Variants in FAM3C observed in about 807,000 individuals in gnomAD.
FAM3C encodes protein FAM3C.
Under a neutral mutation model 32.5 loss-of-function variants are expected in FAM3C, and 15 were observed. The observed-to-expected ratio is 0.46, with a 90% CI of 0.31 to 0.71. FAM3C has a LOEUF of 0.71. FAM3C is among the 30% of genes least tolerant of loss of function. FAM3C has a pLI of 0.05. For missense variants in FAM3C, 175 were observed against 274.4 expected (o/e 0.64, Z 2.56); for synonymous variants, 75 against 86.1 (o/e 0.87, Z 0.72).
chr7:121,366,056 G>A (rs900672245), intron 5 of FAM3C, among the ~76,000 whole-genome samples: 9 of 152,246 alleles, frequency 5.9e-5, no homozygotes, highest in East Asian at 1.9e-4. Flanking sequence ...ACAAGTGTTG[G>A]CAAGGATGTG....
At chr7:121,386,184 G>A (rs980492854) in intron 1 of FAM3C, among the ~76,000 whole-genome samples, 4 of 152,046 alleles carry the variant, frequency 2.6e-5, no homozygotes, top group Admixed American at 1.3e-4. Context: ...AAAATTAAAC[G>A]TACAAATACA....
At chr7:121,375,722 C>T (rs1329614813) in intron 3 of FAM3C, among the ~76,000 whole-genome samples, 1 of 152,128 alleles carries the variant, frequency 6.6e-6, no homozygotes, top group African/African-American at 2.4e-5. Context: ...TGTAGCTTCA[C>T]CCAGCCTTCT....
At chr7:121,375,429 A>T (rs1794220607) in intron 3 of FAM3C, among the ~76,000 whole-genome samples, 1 of 152,108 alleles carries the variant, frequency 6.6e-6, no homozygotes, top group Non-Finnish European at 1.5e-5. Context: ...AGGCTGGGGG[A>T]TTTGGGTGCC....
intron 8 of FAM3C, among the ~76,000 whole-genome samples, chr7:121,351,905 G>C (rs898745556): frequency 3.9e-5 from 6 of 152,136 alleles, no homozygotes; most frequent in African/African-American, 1.2e-4. Flanking sequence ...CTAATTGAAA[G>C]ATGTCCCTAA....
At chr7:121,378,436 C>T (rs950615838) in intron 3 of FAM3C, among the ~76,000 whole-genome samples, 5 of 152,090 alleles carry the variant, frequency 3.3e-5, no homozygotes, top group South Asian at 2.1e-4. Context: ...CCTCCCACCT[C>T]GGCCTCCTGA....
chr7:121,372,881 T>A (rs1794175458), intron 3 of FAM3C, among the ~76,000 whole-genome samples: 1 of 152,238 alleles, frequency 6.6e-6, no homozygotes, highest in Admixed American at 6.5e-5. Flanking sequence ...TTTTTAGTTC[T>A]GTACTATTTT....
At chr7:121,354,029 C>T (rs1483035781) in intron 8 of FAM3C, among the ~76,000 whole-genome samples, 1 of 152,000 alleles carries the variant, frequency 6.6e-6, no homozygotes, top group African/African-American at 2.4e-5. Context: ...TTCTGATCTG[C>T]CTATGTAGAA....
intron 5 of FAM3C, among the ~76,000 whole-genome samples, chr7:121,365,621 G>C (rs1415121770): frequency 6.6e-6 from 1 of 151,820 alleles, no homozygotes; most frequent in Non-Finnish European, 1.5e-5. Context: ...AGGAAAATGA[G>C]AAAATGAAAA....
At chr7:121,395,736 C>T (rs1166515861) in intron 1 of FAM3C, among the ~76,000 whole-genome samples, 1 of 152,102 alleles carries the variant, frequency 6.6e-6, no homozygotes, top group Non-Finnish European at 1.5e-5. Flanking sequence ...CAAAACGGCC[C>T]CCTATGGAGT....
intron 1 of FAM3C, among the ~76,000 whole-genome samples, chr7:121,392,491 C>T (rs757447031): frequency 6.6e-6 from 1 of 152,188 alleles, no homozygotes; most frequent in Middle Eastern, 3.2e-3. Context: ...GATGCAATCA[C>T]TTCCCTCCCT....
intron 5 of FAM3C, among the ~76,000 whole-genome samples, chr7:121,370,418 C>A (rs1460905548): frequency 1.3e-5 from 2 of 152,142 alleles, no homozygotes; most frequent in South Asian, 2.1e-4. Flanking sequence ...CTAGGAAAAG[C>A]TGCCTAGGTC....
intron 7 of FAM3C, 112 bp downstream of exon 7, chr7:121,362,785 C>T: frequency 1.5e-6 from 1 of 684,718 alleles, no homozygotes; most frequent in Non-Finnish European, 2.6e-6. Context: ...GTAAGGGAAA[C>T]AAAATGAACT....
rs1401335544 is a variant in FAM3C, at chr7:121,369,618, T to G, written c.272+1682A>C. ...AAATTCTCTGGCTCTAAGCCCAGTATGTATTTTACCAAGCTCCACTGTCTA... is the reference window on the plus strand; with the variant it reads ...AAATTCTCTGGCTCTAAGCCCAGTAGGTATTTTACCAAGCTCCACTGTCTA... On this transcript the variant is annotated intron_variant, in intron 5 of 9. Coordinates refer to ENST00000359943, the MANE Select transcript of FAM3C (RefSeq NM_014888.3). Among the ~76,000 whole-genome samples, 7 of 152,342 alleles carry G rather than the reference T, an allele frequency of 4.6e-5. No homozygotes were observed. In the East Asian group the frequency reaches 7.7e-4, roughly 17 times the overall value.
At chr7:121,368,272 T>C (rs765972661) in intron 5 of FAM3C, among the ~76,000 whole-genome samples, 5 of 152,026 alleles carry the variant, frequency 3.3e-5, no homozygotes, top group Non-Finnish European at 7.4e-5. Flanking sequence ...CTACAAGGAG[T>C]ACCTCCAAAG....
intron 8 of FAM3C, among the ~76,000 whole-genome samples, chr7:121,352,734 T>G (rs1345292975): frequency 6.6e-6 from 1 of 152,258 alleles, no homozygotes; most frequent in Non-Finnish European, 1.5e-5. Flanking sequence ...TTTGCTCACT[T>G]GATAACCAAC....
chr7:121,380,055 T>TAGA (rs1450126992), intron 2 of FAM3C, among the ~76,000 whole-genome samples: 2 of 152,198 alleles, frequency 1.3e-5, no homozygotes, highest in Non-Finnish European at 2.9e-5. Flanking sequence ...CTTTGAACTC[T>TAGA]TCTCCCCAGG....
At chr7:121,386,558 A>AT (rs1794467442) in intron 1 of FAM3C, among the ~76,000 whole-genome samples, 2 of 151,874 alleles carry the variant, frequency 1.3e-5, no homozygotes, top group African/African-American at 4.8e-5. Context: ...TAATAAACAT[A>AT]TACACACACA....
At chr7:121,389,608 T>C (rs1185553660) in intron 1 of FAM3C, among the ~76,000 whole-genome samples, 1 of 152,098 alleles carries the variant, frequency 6.6e-6, no homozygotes, top group East Asian at 1.9e-4. Context: ...CAGCCAGAGT[T>C]CAGGTTTACA....
chr7:121,363,250 A>G (rs1471958991), intron 6 of FAM3C, among the ~76,000 whole-genome samples: 1 of 152,182 alleles, frequency 6.6e-6, no homozygotes, highest in Non-Finnish European at 1.5e-5. Flanking sequence ...GGTTAGATAT[A>G]TTTCATCGTT....
Sources: gnomAD v4.1 joint callset for allele counts (sites outside exome capture counted in the v4.1 genomes callset) on GRCh38, gnomAD v4.1.1 for gene constraint, MANE v1.5 for transcripts, NCBI Gene and HGNC (gene_info 2026-07-23, HGNC 2026-07-21) for gene names.